Variants in AFG1L observed in about 807,000 individuals in gnomAD.
The protein encoded by AFG1L is AFG1 like ATPase, also known as AFG1-like ATPase.
AFG1L carries 53 observed loss-of-function variants against 62.2 expected under a neutral mutation model. That is an observed-to-expected ratio of 0.85 (90% CI 0.68 to 1.07). The LOEUF is 1.07. Among genes scored for constraint, AFG1L ranks in the 50% least tolerant of loss-of-function variants. The pLI is 0.00. For missense variants in AFG1L, 555 were observed against 590.5 expected (o/e 0.94, Z 0.62); for synonymous variants, 228 against 210.3 (o/e 1.08, Z -0.73).
At chr6:108,427,548 G>A (rs1303865985) in intron 7 of AFG1L, among the ~76,000 whole-genome samples, 1 of 122,990 alleles carries the variant, frequency 8.1e-6, no homozygotes, top group Non-Finnish European at 1.6e-5. Context: ...TTGAGTTGGA[G>A]TCTTGCTCTG....
Position 108,477,281 on chromosome 6 carries a change from C to A in AFG1L, c.1051C>A (p.Leu351Met). 2 of 1,604,946 alleles carry A rather than the reference C, an allele frequency of 1.2e-6. No homozygotes were observed. Among genetic ancestry groups the A allele is most frequent in the Non-Finnish European group, 1.7e-6 (2 of 1,173,514 alleles). The change falls in exon 10 of 13, where the codon CTG becomes ATG. Residue 351 changes from leucine (L) to methionine (M), a missense_variant. By Grantham distance (15) the Leu-to-Met change is conservative. Transcript: ENST00000368977. ...GTVADCTFEE[L>M]CERPLGASDY... The stretch of plus-strand genomic sequence containing the variant: ...CGTTGCCGACTGCACATTTGAAGAG[C>A]TGTGTGAGAGAGTAAGTATCCAGGC...
intron 6 of AFG1L, among the ~76,000 whole-genome samples, chr6:108,397,935 G>C (rs1278390860): frequency 6.6e-6 from 1 of 152,152 alleles, no homozygotes; most frequent in Non-Finnish European, 1.5e-5. Context: ...ATATATCTTT[G>C]ATGTACTGAT....
At chr6:108,489,733 A>C (rs1319092254) in intron 10 of AFG1L, among the ~76,000 whole-genome samples, 1 of 152,240 alleles carries the variant, frequency 6.6e-6, no homozygotes, top group African/African-American at 2.4e-5. Flanking sequence ...TTCAGTCTGA[A>C]TAACCAGAGA....
At chr6:108,404,873 G>C (rs947136215) in intron 7 of AFG1L, among the ~76,000 whole-genome samples, 1 of 151,964 alleles carries the variant, frequency 6.6e-6, no homozygotes, top group Non-Finnish European at 1.5e-5. Context: ...GACTACAAGT[G>C]CACACACCAC....
At chr6:108,372,480 C>G (rs1229320099) in intron 6 of AFG1L, among the ~76,000 whole-genome samples, 2 of 152,076 alleles carry the variant, frequency 1.3e-5, no homozygotes, top group Admixed American at 1.3e-4. Context: ...CAGGCACGCA[C>G]TACCATGCCT....
intron 10 of AFG1L, among the ~76,000 whole-genome samples, chr6:108,480,665 G>A (rs1328095362): frequency 6.6e-6 from 1 of 152,138 alleles, no homozygotes; most frequent in African/African-American, 2.4e-5. Flanking sequence ...GGGCGTGGTG[G>A]CAAGCATCTG....
intron 1 of AFG1L, among the ~76,000 whole-genome samples, chr6:108,320,042 T>C (rs1562472478): frequency 6.6e-6 from 1 of 152,044 alleles, no homozygotes; most frequent in Non-Finnish European, 1.5e-5. Context: ...ATTTTGTATG[T>C]AAAAAAGGTA....
intron 7 of AFG1L, among the ~76,000 whole-genome samples, chr6:108,442,822 C>G (rs952306690): frequency 6.6e-6 from 1 of 152,118 alleles, no homozygotes; most frequent in Non-Finnish European, 1.5e-5. Flanking sequence ...CCAGAAACCC[C>G]CCTTAGTCTT....
intron 1 of AFG1L, chr6:108,319,501 G>A (rs1268516356): frequency 6.5e-6 from 1 of 155,006 alleles, no homozygotes; most frequent in Non-Finnish European, 1.4e-5. Context: ...CTGGTCTCGA[G>A]CTCCTGGGCT....
chr6:108,516,425 G>C (rs1249311424), intron 11 of AFG1L, among the ~76,000 whole-genome samples: 1 of 152,134 alleles, frequency 6.6e-6, no homozygotes, highest in African/African-American at 2.4e-5. Context: ...AATAGATGCA[G>C]AAAAGGCCTT....
intron 6 of AFG1L, among the ~76,000 whole-genome samples, chr6:108,382,424 A>T (rs1253114535): frequency 6.6e-6 from 1 of 152,160 alleles, no homozygotes; most frequent in Non-Finnish European, 1.5e-5. Context: ...ATTCATACTA[A>T]ATAAAAGACT....
chr6:108,400,180 A>C (rs1237379550), intron 6 of AFG1L, among the ~76,000 whole-genome samples: 1 of 151,804 alleles, frequency 6.6e-6, no homozygotes, highest in African/African-American at 2.4e-5. Flanking sequence ...GAAGCCCTTT[A>C]TTTCTTTCTC....
chr6:108,518,252 C>A (rs1774980744), intron 11 of AFG1L, among the ~76,000 whole-genome samples: 1 of 152,090 alleles, frequency 6.6e-6, no homozygotes, highest in East Asian at 1.9e-4. Context: ...TGGAACCAAC[C>A]CAAATGTCCA....
Position 108,422,497 on chromosome 6 carries a change from A to AAAAAAG in AFG1L, c.807+20445_807+20446insAAAGAA, listed in dbSNP as rs1554196482. 1.2e-4 allele frequency among the ~76,000 whole-genome samples: 18 copies of AAAAAAG among 147,810 alleles called. 1 individual carries two copies. Among genetic ancestry groups the AAAAAAG allele is most frequent in the African/African-American group, 4.3e-4 (17 of 39,488 alleles). ...CTCAGCAAAAAAAAAAAAAAAAAAA[A>AAAAAAG]AAGAAGAAGAAATGCTCTATTTCAG... On this transcript the variant is annotated intron_variant, in intron 7 of 12. Coordinates refer to ENST00000368977, the MANE Select transcript of AFG1L (RefSeq NM_145315.5).
chr6:108,356,940 C>A, intron 5 of AFG1L, 120 bp downstream of exon 5: 1 of 879,928 alleles, frequency 1.1e-6, no homozygotes, highest in Non-Finnish European at 1.7e-6. Flanking sequence ...TCTCTTACTG[C>A]TTCAATTTTA....
intron 8 of AFG1L, among the ~76,000 whole-genome samples, chr6:108,454,763 G>A (rs895130897): frequency 1.3e-5 from 2 of 151,974 alleles, no homozygotes; most frequent in East Asian, 1.9e-4. Context: ...AGCAATTCTC[G>A]TGCCTCAGCC....
chr6:108,381,594 T>C (rs1780527170), intron 6 of AFG1L, among the ~76,000 whole-genome samples: 1 of 152,170 alleles, frequency 6.6e-6, no homozygotes, highest in Admixed American at 6.5e-5. Flanking sequence ...AAAAAAATTA[T>C]AGTGTCAAGT....
At chr6:108,448,148 T>C (rs1459055211) in intron 8 of AFG1L, among the ~76,000 whole-genome samples, 2 of 152,202 alleles carry the variant, frequency 1.3e-5, no homozygotes, top group Non-Finnish European at 2.9e-5. Context: ...TAATTAAAAT[T>C]GCATACTTTA....
intron 6 of AFG1L, among the ~76,000 whole-genome samples, chr6:108,366,580 C>A (rs369958364): frequency 4.4e-5 from 5 of 114,530 alleles, no homozygotes; most frequent in African/African-American, 1.4e-4. Flanking sequence ...TTTTTTTTTT[C>A]CCTAAATATT....
Sources: allele counts gnomAD v4.1 joint callset (sites outside exome capture counted in the v4.1 genomes callset), GRCh38; gene constraint gnomAD v4.1.1; transcripts MANE v1.5; gene names NCBI Gene and HGNC (gene_info 2026-07-23, HGNC 2026-07-21).